GRHL2: variants seen among roughly 807,000 people sequenced by gnomAD.
GRHL2 encodes grainyhead-like protein 2 homolog.
A neutral mutation model predicts 83.8 loss-of-function variants in GRHL2; 21 were observed. The ratio of observed to expected loss-of-function variants is 0.25; its 90% CI spans 0.18 to 0.36. The LOEUF (loss-of-function observed/expected upper bound fraction) is 0.36, where lower values mean the gene tolerates loss of function less well. GRHL2 is among the 10% of genes least tolerant of loss of function. The pLI is 1.00. For synonymous variants in GRHL2, 280 were observed against 278.9 expected (o/e 1.00, Z -0.04); for missense variants, 623 against 781.8 (o/e 0.80, Z 2.42).
At position 101,521,801 on chromosome 8, in the gene GRHL2, A is replaced by AT. The variant is rs377069532; in HGVS notation, c.21-21434dup. On this transcript the variant is annotated intron_variant, in intron 1 of 15. Coordinates refer to ENST00000646743, the MANE Select transcript of GRHL2 (RefSeq NM_024915.4). ...TATAAAAAAAAGTTTTAAAAATGTA[A>AT]TTTTTTGTTAGCTTTTAGAGAACGC... Among the ~76,000 whole-genome samples the AT allele has an allele frequency of 1.2e-3, 180 of 152,318 alleles. 3 individuals carry two copies. Among genetic ancestry groups the AT allele is most frequent in the African/African-American group, 4.3e-3 (178 of 41,576 alleles).
chr8:101,603,174 A>G (rs1365206914), intron 8 of GRHL2, among the ~76,000 whole-genome samples: 1 of 152,010 alleles, frequency 6.6e-6, no homozygotes, highest in Non-Finnish European at 1.5e-5. Flanking sequence ...TTTTTGCACC[A>G]AGTTTTATAT....
At chr8:101,678,830 G>GCCA in the GRHL2 span, among the ~76,000 whole-genome samples, 1 of 150,444 alleles carries the variant, frequency 6.6e-6, no homozygotes. Context: ...CACCTCACAT[G>GCCA]GCAGGGTATT....
chr8:101,644,301 T>C (rs1813465422), intron 13 of GRHL2, 76 bp downstream of exon 13: 1 of 1,176,590 alleles, frequency 8.5e-7, no homozygotes, highest in Admixed American at 1.9e-5. Context: ...GCAGCCCTCT[T>C]GCCCAGGCCC....
chr8:101,533,065 A>C (rs1181962807), intron 1 of GRHL2, among the ~76,000 whole-genome samples: 1 of 152,158 alleles, frequency 6.6e-6, no homozygotes, highest in Non-Finnish European at 1.5e-5. Context: ...CTTCCCCTCC[A>C]GTTACCTCAG....
intron 1 of GRHL2, among the ~76,000 whole-genome samples, chr8:101,495,603 A>C (rs1374922874): frequency 2.0e-5 from 3 of 152,224 alleles, no homozygotes; most frequent in Admixed American, 6.5e-5. Flanking sequence ...AAATATATTT[A>C]GAGAACGTGT....
chr8:101,651,979 C>T (rs575123226), intron 14 of GRHL2, among the ~76,000 whole-genome samples: 27 of 152,288 alleles, frequency 1.8e-4, no homozygotes, highest in East Asian at 1.2e-3. Flanking sequence ...AAAGCAGCCC[C>T]GGCAACTTGG....
intron 7 of GRHL2, among the ~76,000 whole-genome samples, chr8:101,584,467 C>A (rs1354116012): frequency 1.3e-5 from 2 of 152,130 alleles, no homozygotes; most frequent in East Asian, 3.9e-4. Context: ...TGATCACAGA[C>A]TTTAGTTGAC....
At chr8:101,657,276 G>C (rs937824891) in intron 14 of GRHL2, among the ~76,000 whole-genome samples, 1 of 152,154 alleles carries the variant, frequency 6.6e-6, no homozygotes, top group Non-Finnish European at 1.5e-5. Flanking sequence ...TCTGTTGTAT[G>C]CCTCTGGAGA....
At chr8:101,666,054 G>A (rs556314701) in intron 15 of GRHL2, among the ~76,000 whole-genome samples, 1 of 152,296 alleles carries the variant, frequency 6.6e-6, no homozygotes, top group East Asian at 1.9e-4. Flanking sequence ...CCTTGTTGAG[G>A]TCAGTTTTCT....
intron 8 of GRHL2, among the ~76,000 whole-genome samples, chr8:101,619,169 C>T (rs182378372): frequency 8.5e-5 from 13 of 152,112 alleles, no homozygotes; most frequent in Middle Eastern, 3.4e-3. Flanking sequence ...AGGAGAATGG[C>T]GTGAACCTGG....
chr8:101,537,190 G>A (rs1449806417), intron 1 of GRHL2, among the ~76,000 whole-genome samples: 1 of 152,080 alleles, frequency 6.6e-6, no homozygotes, highest in East Asian at 1.9e-4. Flanking sequence ...TGGGCATTTA[G>A]GTTGATTCCA....
At chr8:101,652,172 G>A (rs900334395) in intron 14 of GRHL2, among the ~76,000 whole-genome samples, 1 of 151,802 alleles carries the variant, frequency 6.6e-6, no homozygotes, top group Non-Finnish European at 1.5e-5. Flanking sequence ...TTAGACCAGG[G>A]CCTTACTAGT....
intron 7 of GRHL2, among the ~76,000 whole-genome samples, chr8:101,593,241 TGG>T (rs1812324317): frequency 6.6e-6 from 1 of 152,140 alleles, no homozygotes; most frequent in Non-Finnish European, 1.5e-5. Flanking sequence ...CCACCACGCC[TGG>T]TTGGCATAAT....
chr8:101,605,023 C>T (rs998676651), intron 8 of GRHL2, among the ~76,000 whole-genome samples: 5 of 152,316 alleles, frequency 3.3e-5, no homozygotes, highest in Non-Finnish European at 7.3e-5. Context: ...ATTGGTTTGT[C>T]TAGCCTTCTG....
At chr8:101,639,196 T>C (rs1813348858) in intron 12 of GRHL2, among the ~76,000 whole-genome samples, 1 of 152,212 alleles carries the variant, frequency 6.6e-6, no homozygotes, top group Admixed American at 6.5e-5. Flanking sequence ...TTCTCTGTGT[T>C]GGCTCACCCT....
At chr8:101,523,205 C>A (rs1218188005) in intron 1 of GRHL2, among the ~76,000 whole-genome samples, 1 of 151,856 alleles carries the variant, frequency 6.6e-6, no homozygotes, top group Non-Finnish European at 1.5e-5. Flanking sequence ...AGCCACTGCG[C>A]CCAGCCAACA....
intron 9 of GRHL2, 32 bp from the exon 10 acceptor site, chr8:101,631,605 G>A: frequency 6.4e-7 from 1 of 1,561,428 alleles, no homozygotes; most frequent in Admixed American, 1.7e-5. Flanking sequence ...TAATATGCCT[G>A]GCATTTTCTG....
chr8:101,648,731 G>C (rs1813562626), intron 13 of GRHL2, among the ~76,000 whole-genome samples: 2 of 152,104 alleles, frequency 1.3e-5, no homozygotes, highest in African/African-American at 4.8e-5. Context: ...TTTGTTATCT[G>C]CCTGGAGTTT....
At chr8:101,601,159 A>AACACACAC (rs5893575) in intron 8 of GRHL2, among the ~76,000 whole-genome samples, 31 of 137,500 alleles carry the variant, frequency 2.3e-4, no homozygotes, top group African/African-American at 7.4e-4. Context: ...GACTGTCTTA[A>AACACACAC]ACACACACAC....
Sources: allele counts gnomAD v4.1 joint callset (sites outside exome capture counted in the v4.1 genomes callset), GRCh38; gene constraint gnomAD v4.1.1; transcripts MANE v1.5; gene names NCBI Gene and HGNC (gene_info 2026-07-23, HGNC 2026-07-21).